SLC8A3: variants seen among roughly 807,000 people sequenced by gnomAD.
The protein encoded by SLC8A3 is solute carrier family 8 member A3, also known as sodium/calcium exchanger 3.
In SLC8A3, 37 loss-of-function variants were observed where a neutral mutation model predicts 65.4. The ratio of observed to expected loss-of-function variants is 0.57; its 90% CI spans 0.44 to 0.74. The LOEUF is 0.74. Among genes scored for constraint, SLC8A3 ranks in the 30% least tolerant of loss-of-function variants. The probability of loss-of-function intolerance (pLI) is 0.00; values close to 1 mark genes in which losing one functional copy is unlikely to be tolerated. For missense variants in SLC8A3, 1,112 were observed against 1,172.1 expected (o/e 0.95, Z 0.75); for synonymous variants, 461 against 444.5 (o/e 1.04, Z -0.47).
chr14:70,129,032 C>A (rs1894660304), intron 2 of SLC8A3, among the ~76,000 whole-genome samples: 1 of 152,118 alleles, frequency 6.6e-6, no homozygotes, highest in Non-Finnish European at 1.5e-5. Flanking sequence ...GGGTCTAAAT[C>A]CCAACACATA....
At chr14:70,105,206 G>C (rs1892783879) in intron 2 of SLC8A3, among the ~76,000 whole-genome samples, 2 of 152,146 alleles carry the variant, frequency 1.3e-5, no homozygotes, top group South Asian at 4.1e-4. Flanking sequence ...GCTGGTGCCT[G>C]TAGTCCCAGC....
chr14:70,172,899 C>CA (rs941035830), intron 1 of SLC8A3, among the ~76,000 whole-genome samples: 2 of 151,002 alleles, frequency 1.3e-5, no homozygotes, highest in South Asian at 2.1e-4. Flanking sequence ...GAGCTTTAGT[C>CA]AAAAAAAAGG....
chr14:70,128,402 T>TC (rs1230124770), intron 2 of SLC8A3, among the ~76,000 whole-genome samples: 1 of 152,166 alleles, frequency 6.6e-6, no homozygotes, highest in Non-Finnish European at 1.5e-5. Flanking sequence ...CTGAAGTTCT[T>TC]CCCCTCTGCA....
chr14:70,073,223 A>G (rs1156835805), intron 2 of SLC8A3, among the ~76,000 whole-genome samples: 1 of 152,092 alleles, frequency 6.6e-6, no homozygotes, highest in Non-Finnish European at 1.5e-5. Context: ...ACGTTGCACT[A>G]TACATTAGAG....
intron 2 of SLC8A3, among the ~76,000 whole-genome samples, chr14:70,073,497 T>G (rs1349345742): frequency 9.2e-5 from 14 of 152,210 alleles, no homozygotes; most frequent in Admixed American, 9.2e-4. Context: ...TATATATGCA[T>G]GCCAGTAGTC....
chr14:70,126,196 C>T (rs1894431039), intron 2 of SLC8A3, among the ~76,000 whole-genome samples: 1 of 152,134 alleles, frequency 6.6e-6, no homozygotes, highest in Admixed American at 6.5e-5. Context: ...TCTGCTGTAG[C>T]CATTGGAAAC....
intron 1 of SLC8A3, among the ~76,000 whole-genome samples, chr14:70,172,681 G>GA (rs147893506): frequency 0.15 from 16,168 of 104,976 alleles, 1,027 homozygotes; most frequent in Non-Finnish European, 0.21. Context: ...GATTAAAAAA[G>GA]AAAAAAAAAA....
chr14:70,144,689 A>C (rs1014043152), intron 2 of SLC8A3, among the ~76,000 whole-genome samples: 1 of 152,142 alleles, frequency 6.6e-6, no homozygotes, highest in African/African-American at 2.4e-5. Flanking sequence ...CATATCTCCA[A>C]AAAGAAGTCT....
chr14:70,110,212 G>A (rs1893185624), intron 2 of SLC8A3, among the ~76,000 whole-genome samples: 1 of 152,096 alleles, frequency 6.6e-6, no homozygotes, highest in Non-Finnish European at 1.5e-5. Context: ...TTATACTCAA[G>A]TTTTTTAAAA....
intron 2 of SLC8A3, among the ~76,000 whole-genome samples, chr14:70,119,361 G>A (rs534816341): frequency 6.6e-6 from 1 of 152,172 alleles, no homozygotes; most frequent in Non-Finnish European, 1.5e-5. Flanking sequence ...TGGACACTGT[G>A]AGGCTTCCAT....
At chr14:70,054,258 G>T (rs930100439) in intron 3 of SLC8A3, among the ~76,000 whole-genome samples, 2 of 151,126 alleles carry the variant, frequency 1.3e-5, no homozygotes, top group Non-Finnish European at 2.9e-5. Context: ...GAGCTTGGGG[G>T]TGGGGGGGTG....
At chr14:70,149,677 C>T (rs1896141746) in intron 2 of SLC8A3, among the ~76,000 whole-genome samples, 1 of 152,162 alleles carries the variant, frequency 6.6e-6, no homozygotes, top group African/African-American at 2.4e-5. Flanking sequence ...GCTGCTCCAG[C>T]CCCAGAGTCC....
At chr14:70,092,770 A>G (rs911119629) in intron 2 of SLC8A3, among the ~76,000 whole-genome samples, 31 of 152,176 alleles carry the variant, frequency 2.0e-4, no homozygotes, top group Non-Finnish European at 1.3e-4. Flanking sequence ...AAAAGAAAGA[A>G]TTCTGGAGAC....
intron 2 of SLC8A3, among the ~76,000 whole-genome samples, chr14:70,106,698 G>A (rs1356508232): frequency 6.6e-6 from 1 of 152,086 alleles, no homozygotes; most frequent in Non-Finnish European, 1.5e-5. Context: ...CAGAGTTGAA[G>A]CCCATATTCA....
At chr14:70,114,641 T>C (rs1893538295) in intron 2 of SLC8A3, among the ~76,000 whole-genome samples, 2 of 152,188 alleles carry the variant, frequency 1.3e-5, no homozygotes, top group Admixed American at 1.3e-4. Flanking sequence ...CCATTAAAAA[T>C]AGCTTTGACT....
At chr14:70,185,036 G>A (rs1036340386) in intron 1 of SLC8A3, among the ~76,000 whole-genome samples, 2 of 147,456 alleles carry the variant, frequency 1.4e-5, no homozygotes, top group African/African-American at 5.0e-5. Flanking sequence ...GCTCATTCTC[G>A]GCTCACTGCA....
chr14:70,096,009 G>A (rs1377480998), intron 2 of SLC8A3, among the ~76,000 whole-genome samples: 2 of 152,076 alleles, frequency 1.3e-5, no homozygotes. Flanking sequence ...AGCCTCCCAA[G>A]TAGCTGGGAC....
At chr14:70,147,842 T>G (rs1896028082) in intron 2 of SLC8A3, among the ~76,000 whole-genome samples, 1 of 152,162 alleles carries the variant, frequency 6.6e-6, no homozygotes, top group African/African-American at 2.4e-5. Context: ...GAAATAAATG[T>G]GTTGTTTGTA....
chr14:70,183,463 C>T (rs1882929214), intron 1 of SLC8A3, among the ~76,000 whole-genome samples: 1 of 152,220 alleles, frequency 6.6e-6, no homozygotes, highest in South Asian at 2.1e-4. Flanking sequence ...TCTCAGCCTT[C>T]ACGGATCTCT....
Sources: gnomAD v4.1 joint callset for allele counts (sites outside exome capture counted in the v4.1 genomes callset) on GRCh38, gnomAD v4.1.1 for gene constraint, MANE v1.5 for transcripts, NCBI Gene and HGNC (gene_info 2026-07-23, HGNC 2026-07-21) for gene names.